WWP2: variants seen among roughly 807,000 people sequenced by gnomAD.
The protein encoded by WWP2 is WW domain containing E3 ubiquitin protein ligase 2, also known as NEDD4-like E3 ubiquitin-protein ligase WWP2.
WWP2 carries 57 observed loss-of-function variants against 121.0 expected under a neutral mutation model. The observed-to-expected ratio is 0.47, with a 90% CI of 0.38 to 0.59. The LOEUF (loss-of-function observed/expected upper bound fraction) is 0.59, where lower values mean the gene tolerates loss of function less well. Ranked by LOEUF, WWP2 falls within the 20% of genes least tolerant of loss-of-function variation. The pLI, the probability that WWP2 is intolerant of heterozygous loss-of-function variation, is 0.00. For synonymous variants in WWP2, 449 were observed against 441.3 expected (o/e 1.02, Z -0.22); for missense variants, 962 against 1,158.9 (o/e 0.83, Z 2.47).
At chr16:69,912,918 C>CAAAAA (rs2058404389) in intron 9 of WWP2, among the ~76,000 whole-genome samples, 1 of 31,790 alleles carries the variant, frequency 3.1e-5, no homozygotes, top group Non-Finnish European at 5.6e-5. Context: ...CCAGTCTCTA[C>CAAAAA]AAAACAAAAA....
chr16:69,892,544 C>CT (rs1389761627), intron 8 of WWP2, among the ~76,000 whole-genome samples: 1 of 152,096 alleles, frequency 6.6e-6, no homozygotes, highest in Non-Finnish European at 1.5e-5. Flanking sequence ...TTTAACTTTT[C>CT]TTTTTTTGAG....
At chr16:69,878,787 G>T (rs2057776946) in intron 7 of WWP2, among the ~76,000 whole-genome samples, 1 of 152,062 alleles carries the variant, frequency 6.6e-6, no homozygotes. Flanking sequence ...GTATTTCCCT[G>T]TTACAAAATT....
chr16:69,922,038 A>G (rs1172265212), intron 10 of WWP2, among the ~76,000 whole-genome samples: 1 of 150,226 alleles, frequency 6.7e-6, no homozygotes, highest in Admixed American at 6.7e-5. Flanking sequence ...AGATCATGCC[A>G]CTGCACTCCA....
chr16:69,861,395 A>G (rs1055755009), intron 6 of WWP2, among the ~76,000 whole-genome samples: 1 of 152,148 alleles, frequency 6.6e-6, no homozygotes, highest in African/African-American at 2.4e-5. Context: ...TGAAATTGCC[A>G]CCTTTGAGAA....
At position 69,937,042 on chromosome 16, in the gene WWP2, G is replaced by A. The variant is rs958546119; in HGVS notation, c.2118-76G>A. The A allele has an allele frequency of 6.4e-6, 10 of 1,558,938 alleles. No homozygotes were observed. The highest frequency in any genetic ancestry group is 7.0e-6 in the Non-Finnish European group (8 of 1,150,440). Reference sequence around the variant, plus strand: ...TGATCTGGTGGTCCTGCGCGGTAACGGCCACGCGGCCTGGCCGGGAGCCAC... The same window carrying A: ...TGATCTGGTGGTCCTGCGCGGTAACAGCCACGCGGCCTGGCCGGGAGCCAC... On this transcript the variant is annotated intron_variant, in intron 19 of 23. Transcript: ENST00000359154. This position sits in a 1 kb window ranked among gnomAD's most constrained non-coding sequence, Gnocchi z 6.6.
At chr16:69,847,636 G>A (rs2057108674) in intron 6 of WWP2, among the ~76,000 whole-genome samples, 1 of 151,910 alleles carries the variant, frequency 6.6e-6, no homozygotes, top group South Asian at 2.1e-4. Flanking sequence ...TCGAACTCCC[G>A]ACCTCAGGTG....
chr16:69,933,370 G>A lies in WWP2; in HGVS notation c.1683-600G>A, dbSNP rs116143408. ...GTGGAAGTGTGGGAACGGGGATGGT[G>A]TTGGGGTCTGGGGGTGAAGGGAGGG... is the stretch of plus-strand genomic sequence containing the variant. On this transcript the variant is annotated intron_variant, in intron 16 of 23. Coordinates refer to ENST00000359154, the MANE Select transcript of WWP2 (RefSeq NM_001270454.2). 2.7e-3 allele frequency among the ~76,000 whole-genome samples: 408 copies of A among 152,298 alleles called. 8 individuals are homozygous for A. Among genetic ancestry groups the A allele is most frequent in the African/African-American group, 9.1e-3 (378 of 41,544 alleles).
chr16:69,902,346 C>T (rs1265343167), intron 8 of WWP2, among the ~76,000 whole-genome samples: 1 of 152,158 alleles, frequency 6.6e-6, no homozygotes, highest in Non-Finnish European at 1.5e-5. Flanking sequence ...GAACCAAGGG[C>T]AGCTACAATC....
At chr16:69,912,799 C>T (rs1364875731) in intron 9 of WWP2, among the ~76,000 whole-genome samples, 1 of 149,574 alleles carries the variant, frequency 6.7e-6, no homozygotes, top group African/African-American at 2.5e-5. Context: ...AATAGTAGAA[C>T]TTCCAGAGGC....
chr16:69,778,146 T>C (rs1280654129), intron 1 of WWP2, among the ~76,000 whole-genome samples: 1 of 146,622 alleles, frequency 6.8e-6, no homozygotes, highest in Admixed American at 6.9e-5. Context: ...CACACACATA[T>C]ATACATACAC....
At position 69,935,277 on chromosome 16, in the gene WWP2, G is replaced by A. The variant is rs1030798097; in HGVS notation, c.1843-576G>A. Among the ~76,000 whole-genome samples the A allele has an allele frequency of 4.6e-5, 7 of 152,112 alleles. No individual in the cohort carries two copies. Among genetic ancestry groups the A allele is most frequent in the African/African-American group, 4.8e-5 (2 of 41,416 alleles). Reference sequence around the variant, plus strand: ...CTAAATATGGCCGGCCCTTCCCATCGTCGAGGAGTTCTTGGCCAAGGTGCT... The same window carrying A: ...CTAAATATGGCCGGCCCTTCCCATCATCGAGGAGTTCTTGGCCAAGGTGCT... On this transcript the variant is annotated intron_variant, in intron 17 of 23. Transcript: ENST00000359154. This position sits in a 1 kb window ranked among gnomAD's most constrained non-coding sequence, Gnocchi z 5.2.
chr16:69,867,354 C>T (rs2057545551), intron 6 of WWP2, among the ~76,000 whole-genome samples: 2 of 152,182 alleles, frequency 1.3e-5, no homozygotes, highest in Admixed American at 6.5e-5. Flanking sequence ...CAAATCACAG[C>T]ATTTCCACTA....
chr16:69,868,185 T>C (rs1185934999), intron 6 of WWP2, among the ~76,000 whole-genome samples: 1 of 152,006 alleles, frequency 6.6e-6, no homozygotes, highest in East Asian at 1.9e-4. Context: ...GTGTGTGTGT[T>C]GGGGGGTGGT....
At chr16:69,906,306 T>C (rs983068593) in intron 8 of WWP2, among the ~76,000 whole-genome samples, 2 of 152,148 alleles carry the variant, frequency 1.3e-5, no homozygotes, top group Non-Finnish European at 2.9e-5. Flanking sequence ...TCTCCTGACC[T>C]TGTGATCTGC....
rs373881497 is a variant in WWP2, at chr16:69,936,192, G to GTCAC, written c.1977-118_1977-115dup. 8.0e-6 allele frequency: 12 copies of GTCAC among 1,503,266 alleles called. 1 individual carries two copies. The African/African-American group carries it at 8.3e-5, about 10-fold the overall frequency. The allele number at this position is 1,503,266 out of a possible 1,614,324, so 93.1% of individuals were successfully genotyped here. A position where few individuals can be genotyped will look rare whatever the true frequency, so the allele number is the denominator to read the frequency against. On this transcript the variant is annotated intron_variant, in intron 18 of 23. Transcript: ENST00000359154. ...TCCTTGAGTCAAGGAGCTGTCCCCT[G>GTCAC]TCACTGTTCAGGATTCTAGGCCACC...
intron 6 of WWP2, among the ~76,000 whole-genome samples, chr16:69,858,806 A>G (rs1362389155): frequency 6.6e-6 from 1 of 152,210 alleles, no homozygotes; most frequent in East Asian, 1.9e-4. Context: ...AAGAATAGGT[A>G]ATATCTCATT....
chr16:69,932,165 A>G (rs1489823790), intron 16 of WWP2, among the ~76,000 whole-genome samples: 1 of 152,200 alleles, frequency 6.6e-6, no homozygotes, highest in East Asian at 1.9e-4. Context: ...CCCCGTCTCT[A>G]TTAAAAATAC....
At chr16:69,782,764 C>T (rs1417041223) in intron 1 of WWP2, among the ~76,000 whole-genome samples, 1 of 152,038 alleles carries the variant, frequency 6.6e-6, no homozygotes, top group African/African-American at 2.4e-5. Flanking sequence ...TGGAGCGTGA[C>T]ATTGTTTGAC....
chr16:69,896,737 T>C (rs1287070675), intron 8 of WWP2, among the ~76,000 whole-genome samples: 2 of 151,988 alleles, frequency 1.3e-5, no homozygotes, highest in African/African-American at 4.8e-5. Flanking sequence ...ATTTTTTTTT[T>C]TTTTTTAAAC....
Sources: allele counts gnomAD v4.1 joint callset (sites outside exome capture counted in the v4.1 genomes callset), GRCh38; gene constraint gnomAD v4.1.1; non-coding constraint Gnocchi (gnomAD v3.1); transcripts MANE v1.5; gene names NCBI Gene and HGNC (gene_info 2026-07-23, HGNC 2026-07-21).